Variants in CYFIP2 observed in about 807,000 individuals in gnomAD.
CYFIP2 encodes the protein cytoplasmic FMR1 interacting protein 2, also known as cytoplasmic FMR1-interacting protein 2.
CYFIP2 carries 29 observed loss-of-function variants against 158.7 expected under a neutral mutation model. The ratio of observed to expected loss-of-function variants is 0.18; its 90% confidence interval spans 0.14 to 0.25. CYFIP2 has a LOEUF of 0.25. Among genes scored for constraint, CYFIP2 ranks in the 10% least tolerant of loss-of-function variants. CYFIP2 has a pLI of 1.00. For synonymous variants in CYFIP2, 585 were observed against 617.6 expected (o/e 0.95, Z 0.78); for missense variants, 852 against 1,639.5 (o/e 0.52, Z 8.29).
chr5:157,319,812 C>T lies in CYFIP2; in HGVS notation c.1407C>T (p.Ser469=), dbSNP rs377728487. 2.0e-4 allele frequency: 327 copies of T among 1,613,982 alleles called. No homozygotes were observed. The highest frequency in any genetic ancestry group is 2.6e-4 in the Non-Finnish European group (307 of 1,179,948). ...GLQVLMGRME[S]VFNQAIRNTI... is the part of the protein sequence containing the mutation. ...AGGTGCTCATGGGCAGGATGGAGAG[C>T]GTCTTCAACCAGGCCATCAGGAACA... is the stretch of plus-strand genomic sequence containing the variant. Residue 469 remains serine, a synonymous_variant, in exon 14 of 31, where the codon AGC becomes AGT. Coordinates refer to ENST00000620254, the MANE Select transcript of CYFIP2 (RefSeq NM_001037333.3).
intron 30 of CYFIP2, 109 bp downstream of exon 30, chr5:157,390,777 C>A (rs1426264390): frequency 6.6e-7 from 1 of 1,504,072 alleles, no homozygotes; most frequent in Non-Finnish European, 9.0e-7. Context: ...GCTCCCCACA[C>A]GGCAAGTACA....
At chr5:157,317,274 CAT>C (rs1218526619) in intron 13 of CYFIP2, among the ~76,000 whole-genome samples, 1 of 151,836 alleles carries the variant, frequency 6.6e-6, no homozygotes, top group Admixed American at 6.6e-5. Context: ...ATTAATAAAA[CAT>C]GTTTAAAAAA....
chr5:157,350,698 A>C (rs1763009248), intron 23 of CYFIP2, among the ~76,000 whole-genome samples: 1 of 152,150 alleles, frequency 6.6e-6, no homozygotes, highest in South Asian at 2.1e-4. Flanking sequence ...AATTGCATTG[A>C]ATTTGTGGAT....
rs760952237 is a variant in CYFIP2, at chr5:157,361,598, G to GGTAA, written c.3039+3_3039+6dup. ...TCTGCCTCCTCATAGAGCAAGCTCT[G>GGTAA]GTAAGTCCAGAGCCCAAAGGAAGTG... On this transcript the variant is annotated frameshift_variant and splice_region_variant. Transcript: ENST00000620254. LOFTEE classifies it high-confidence loss of function. The surrounding 1 kb of genome is among the most constrained non-coding windows in gnomAD (Gnocchi z 4.4). 16 of 1,613,808 alleles carry GGTAA rather than the reference G, an allele frequency of 9.9e-6. No homozygotes were observed. The highest frequency in any genetic ancestry group is 1.3e-5 in the African/African-American group (1 of 74,990).
intron 13 of CYFIP2, among the ~76,000 whole-genome samples, chr5:157,318,812 C>T (rs1388874115): frequency 4.6e-5 from 7 of 152,044 alleles, no homozygotes; most frequent in Non-Finnish European, 7.4e-5. Flanking sequence ...GTGAGGTGGA[C>T]GATCTGCCAC....
chr5:157,362,914 T>C (rs1412070288), intron 26 of CYFIP2: 1 of 152,136 alleles, frequency 6.6e-6, no homozygotes, highest in African/African-American at 2.4e-5. Flanking sequence ...TTTCTTATGA[T>C]GGGGGACAGT....
intron 13 of CYFIP2, among the ~76,000 whole-genome samples, chr5:157,316,937 C>G (rs2113081396): frequency 6.6e-6 from 1 of 152,204 alleles, no homozygotes; most frequent in South Asian, 2.1e-4. Flanking sequence ...TGGCTCCAGA[C>G]CCCTTGGCAC....
intron 23 of CYFIP2, among the ~76,000 whole-genome samples, chr5:157,350,636 G>A (rs1468031000): frequency 2.0e-5 from 3 of 152,038 alleles, no homozygotes; most frequent in Non-Finnish European, 4.4e-5. Context: ...ATTCATTTTA[G>A]CATTGTCTAT....
intron 28 of CYFIP2, among the ~76,000 whole-genome samples, chr5:157,386,075 C>T (rs942527883): frequency 9.2e-5 from 14 of 152,088 alleles, no homozygotes; most frequent in African/African-American, 3.4e-4. Context: ...AAAGAAAACT[C>T]ACAACATAAA....
intron 3 of CYFIP2, among the ~76,000 whole-genome samples, chr5:157,292,397 T>C (rs1038471767): frequency 1.3e-5 from 2 of 152,114 alleles, no homozygotes; most frequent in Non-Finnish European, 2.9e-5. Context: ...CTTTGTATTT[T>C]TAGTAGAAAC....
intron 23 of CYFIP2, among the ~76,000 whole-genome samples, chr5:157,354,321 A>T (rs1379405557): frequency 2.0e-5 from 3 of 152,156 alleles, no homozygotes; most frequent in African/African-American, 7.2e-5. Context: ...AGGCCCATTG[A>T]TTGGAACCTA....
intron 20 of CYFIP2, among the ~76,000 whole-genome samples, chr5:157,332,971 C>T (rs1761588457): frequency 6.6e-6 from 1 of 152,004 alleles, no homozygotes; most frequent in Admixed American, 6.6e-5. Flanking sequence ...GGCTTGCAGA[C>T]TGTTTAAAGG....
intron 23 of CYFIP2, among the ~76,000 whole-genome samples, chr5:157,343,775 C>G (rs1762476959): frequency 6.6e-6 from 1 of 152,114 alleles, no homozygotes; most frequent in Non-Finnish European, 1.5e-5. Flanking sequence ...AGAACAGATG[C>G]ACCCATGCAA....
At chr5:157,326,326 C>A in intron 18 of CYFIP2, 59 bp downstream of exon 18, 1 of 1,402,340 alleles carries the variant, frequency 7.1e-7, no homozygotes, top group Non-Finnish European at 1.0e-6. Flanking sequence ...CGGACTTTTC[C>A]AGTCTTTTGC....
In CYFIP2 at chr5:157,279,281, A is replaced by C. The variant is rs796567363; in HGVS notation, c.-23-6058A>C. 1.3e-5 allele frequency among the ~76,000 whole-genome samples: 2 copies of C among 152,344 alleles called. 1 individual carries two copies. The highest frequency in any genetic ancestry group is 4.8e-5 in the African/African-American group (2 of 41,582). On this transcript the variant is annotated intron_variant, in intron 1 of 30. Coordinates refer to ENST00000620254, the MANE Select transcript of CYFIP2 (RefSeq NM_001037333.3). ...CATGCTATTGTTTATATAGCTCATAAGTGGCAGATGACAGATTGAAACCCA... is the reference window on the plus strand; with the variant it reads ...CATGCTATTGTTTATATAGCTCATACGTGGCAGATGACAGATTGAAACCCA...
At chr5:157,379,333 G>T (rs1185921104) in intron 26 of CYFIP2, among the ~76,000 whole-genome samples, 1 of 152,020 alleles carries the variant, frequency 6.6e-6, no homozygotes. Context: ...AAGGACAAAA[G>T]ACTGAGGAAA....
intron 26 of CYFIP2, 132 bp from the exon 27 acceptor site, chr5:157,382,458 G>A (rs1377826681): frequency 5.8e-6 from 5 of 856,606 alleles, no homozygotes; most frequent in Non-Finnish European, 9.2e-6. Flanking sequence ...CTTGCCCAAG[G>A]TCACAGTGAG....
chr5:157,356,214 G>A (rs552475019), intron 23 of CYFIP2, among the ~76,000 whole-genome samples: 3 of 152,230 alleles, frequency 2.0e-5, no homozygotes, highest in African/African-American at 7.2e-5. Context: ...ACTTCCTGGT[G>A]TGCAGATGGC....
intron 23 of CYFIP2, among the ~76,000 whole-genome samples, chr5:157,356,357 A>C (rs1470893488): frequency 6.6e-6 from 1 of 152,122 alleles, no homozygotes; most frequent in Non-Finnish European, 1.5e-5. Flanking sequence ...TCAAAGGCCC[A>C]CCTCCTAATA....
Sources: gnomAD v4.1 joint callset for allele counts (sites outside exome capture counted in the v4.1 genomes callset) on GRCh38, gnomAD v4.1.1 for gene constraint, Gnocchi (gnomAD v3.1) non-coding constraint, MANE v1.5 for transcripts, NCBI Gene and HGNC (gene_info 2026-07-23, HGNC 2026-07-21) for gene names.